Variants in NKD1 observed in about 807,000 individuals in gnomAD.
NKD1 encodes NKD inhibitor of Wnt signaling pathway 1.
A neutral mutation model predicts 56.0 loss-of-function variants in NKD1; 21 were observed. That is an observed-to-expected ratio of 0.38 (90% CI 0.27 to 0.54). The LOEUF (loss-of-function observed/expected upper bound fraction) is 0.54, where lower values mean the gene tolerates loss of function less well. Ranked by LOEUF, NKD1 falls within the 20% of genes least tolerant of loss-of-function variation. NKD1 has a pLI of 0.82. For missense variants in NKD1, 578 were observed against 642.7 expected, an observed-to-expected ratio of 0.90 and a Z score of 1.09; for synonymous variants, 263 against 265.7, an observed-to-expected ratio of 0.99 and a Z score of 0.10.
intron 5 of NKD1, 54 bp from the exon 6 acceptor site, chr16:50,625,431 C>A: frequency 8.0e-7 from 1 of 1,257,528 alleles, no homozygotes; most frequent in Non-Finnish European, 1.2e-6. Flanking sequence ...TTCCACTACC[C>A]AGTCAGTGTT....
Position 50,632,481 on chromosome 16 carries a change from G to C in NKD1, c.823+73G>C. The stretch of plus-strand genomic sequence containing the variant: ...CTGGACGGGCCAGGCGGGCCGTGCG[G>C]GTGGTGTTCACTGCTACCCCAGGCT... On this transcript the variant is annotated intron_variant, in intron 9 of 9. Transcript: ENST00000268459. This position sits in a 1 kb window ranked among gnomAD's most constrained non-coding sequence, Gnocchi z 4.1. 6.5e-7 allele frequency: 1 copy of C among 1,528,364 alleles called. No individual in the cohort carries two copies. The highest frequency in any genetic ancestry group is 9.0e-7 in the Non-Finnish European group (1 of 1,106,892). The allele number at this position is 1,528,364 out of a possible 1,614,324, so 94.7% of individuals were successfully genotyped here.
intron 3 of NKD1, among the ~76,000 whole-genome samples, chr16:50,572,412 G>C (rs1343281336): frequency 6.6e-6 from 1 of 152,212 alleles, no homozygotes; most frequent in Non-Finnish European, 1.5e-5. Flanking sequence ...GTGCTTTGCT[G>C]TGTGCTTTGG....
intron 4 of NKD1, among the ~76,000 whole-genome samples, chr16:50,610,377 A>G (rs773565558): frequency 1.1e-4 from 17 of 152,186 alleles, no homozygotes; most frequent in Non-Finnish European, 2.5e-4. Context: ...CCCAGTGACC[A>G]TCTGTGGTCC....
chr16:50,589,516 C>T (rs1961301652), intron 3 of NKD1, among the ~76,000 whole-genome samples: 1 of 152,210 alleles, frequency 6.6e-6, no homozygotes, highest in East Asian at 1.9e-4. Context: ...TCAGCCTGGT[C>T]GGGGGCACCA....
intron 3 of NKD1, among the ~76,000 whole-genome samples, chr16:50,576,242 G>C (rs1221430817): frequency 6.6e-6 from 1 of 152,188 alleles, no homozygotes; most frequent in Admixed American, 6.5e-5. Flanking sequence ...GCAGATGTGG[G>C]TATTGCCTTC....
At chr16:50,594,360 T>G (rs1961430339) in intron 3 of NKD1, among the ~76,000 whole-genome samples, 1 of 152,228 alleles carries the variant, frequency 6.6e-6, no homozygotes, top group African/African-American at 2.4e-5. Flanking sequence ...GCCTACTCCC[T>G]GTGAATTCAC....
intron 7 of NKD1, 42 bp downstream of exon 7, chr16:50,630,375 A>G: frequency 6.2e-6 from 10 of 1,608,066 alleles, no homozygotes; most frequent in Non-Finnish European, 8.5e-6. Flanking sequence ...ATGTCCTCCC[A>G]TCTCAGGAAG....
chr16:50,577,750 A>G (rs1294101019), intron 3 of NKD1, among the ~76,000 whole-genome samples: 1 of 152,172 alleles, frequency 6.6e-6, no homozygotes, highest in African/African-American at 2.4e-5. Context: ...TATAAATGAG[A>G]TCACGCAGTA....
At chr16:50,591,068 C>G (rs933544438) in intron 3 of NKD1, among the ~76,000 whole-genome samples, 1 of 152,148 alleles carries the variant, frequency 6.6e-6, no homozygotes, top group South Asian at 2.1e-4. Context: ...AGTCATCTGC[C>G]TGCCTCAGCC....
chr16:50,554,759 T>C (rs1960464877), intron 3 of NKD1, among the ~76,000 whole-genome samples: 1 of 152,106 alleles, frequency 6.6e-6, no homozygotes, highest in African/African-American at 2.4e-5. Flanking sequence ...GCTGGGACTA[T>C]AGGTGCACGC....
chr16:50,612,931 G>A (rs1285367061), intron 4 of NKD1, among the ~76,000 whole-genome samples: 1 of 152,106 alleles, frequency 6.6e-6, no homozygotes, highest in Non-Finnish European at 1.5e-5. Context: ...GAGGAAGAGG[G>A]CAATGAAACC....
chr16:50,619,215 C>T (rs1277512271), intron 4 of NKD1, among the ~76,000 whole-genome samples: 2 of 151,770 alleles, frequency 1.3e-5, no homozygotes, highest in African/African-American at 4.8e-5. Flanking sequence ...TTTCCCTCTG[C>T]TTGGGAGGGG....
At chr16:50,630,382 G>C (rs1255443023) in intron 7 of NKD1, 49 bp downstream of exon 7, 1 of 1,603,760 alleles carries the variant, frequency 6.2e-7, no homozygotes, top group Non-Finnish European at 8.5e-7. Context: ...CCCATCTCAG[G>C]AAGGAACAGA....
At chr16:50,579,427 G>A (rs1266863062) in intron 3 of NKD1, among the ~76,000 whole-genome samples, 39 of 141,764 alleles carry the variant, frequency 2.8e-4, no homozygotes, top group Admixed American at 4.2e-4. Context: ...CGGGCTACCC[G>A]CTACACACGC....
In NKD1 at chr16:50,634,121, T is replaced by G; in HGVS notation, c.*340T>G. 1.9e-5 allele frequency: 4 copies of G among 205,396 alleles called. No individual in the cohort carries two copies. Among genetic ancestry groups the G allele is most frequent in the Non-Finnish European group, 1.9e-5 (2 of 103,560 alleles). The allele number at this position is 205,396 out of a possible 1,614,324, so 12.7% of individuals were successfully genotyped here. A position where few individuals can be genotyped will look rare whatever the true frequency, so the allele number is the denominator to read the frequency against. ...GCCAGGGAGCCCTTAGCCTCAACTCTGCCCCACCCCAGCCTCTTCCAGGAG... is the reference window on the plus strand; with the variant it reads ...GCCAGGGAGCCCTTAGCCTCAACTCGGCCCCACCCCAGCCTCTTCCAGGAG... On this transcript the variant is annotated 3_prime_UTR_variant, in exon 10 of 10. Coordinates refer to ENST00000268459, the MANE Select transcript of NKD1 (RefSeq NM_033119.5).
At position 50,645,833 on chromosome 16, in the gene NKD1, A is replaced by G. The variant is rs1962667506; in HGVS notation, c.*12052A>G. ...GAACAAAAAGAAAAGTTGGCAAGAA[A>G]GAAAGGGCAAAGACAGAGAGACTGG... On this transcript the variant is annotated 3_prime_UTR_variant, in exon 10 of 10. Transcript: ENST00000268459. 6.6e-6 allele frequency: 1 copy of G among 152,218 alleles called. No homozygotes were observed. Among genetic ancestry groups the G allele is most frequent in the Non-Finnish European group, 1.5e-5 (1 of 68,036 alleles). 9.4% of individuals were successfully genotyped at this position (152,218 alleles called of 1,614,324 possible). A position where few individuals can be genotyped will look rare whatever the true frequency, so the allele number is the denominator to read the frequency against.
At chr16:50,602,899 A>C (rs11642424) in intron 3 of NKD1, among the ~76,000 whole-genome samples, 1 of 152,148 alleles carries the variant, frequency 6.6e-6, no homozygotes, top group Non-Finnish European at 1.5e-5. Context: ...TCCTGACTGC[A>C]GGTTAACAGG....
At position 50,550,948 on chromosome 16, in the gene NKD1, CCTTTTT is replaced by C. The variant is rs147612670; in HGVS notation, c.192+1405_192+1410del. Among the ~76,000 whole-genome samples the C allele has an allele frequency of 5.6e-3, 856 of 152,216 alleles. 5 individuals are homozygous for C. The highest frequency in any genetic ancestry group is 0.019 in the African/African-American group (806 of 41,496). On this transcript the variant is annotated intron_variant, in intron 3 of 9. Coordinates refer to ENST00000268459, the MANE Select transcript of NKD1 (RefSeq NM_033119.5). Reference sequence around the variant, plus strand: ...AGAATGACATTTATTTGCAGTCCCTCCTTTTTCTTTTTCTTTTCTTTTTTTTCTAAA... The same window carrying C: ...AGAATGACATTTATTTGCAGTCCCTCCTTTTTCTTTTCTTTTTTTTCTAAA...
At chr16:50,606,829 T>G (rs968190589) in intron 3 of NKD1, 6 of 456,556 alleles carry the variant, frequency 1.3e-5, no homozygotes, top group African/African-American at 2.0e-5. Context: ...TACCAGCCTT[T>G]CAGGGGGCGG....
Sources: allele counts gnomAD v4.1 joint callset (sites outside exome capture counted in the v4.1 genomes callset), GRCh38; gene constraint gnomAD v4.1.1; non-coding constraint Gnocchi (gnomAD v3.1); transcripts MANE v1.5; gene names NCBI Gene and HGNC (gene_info 2026-07-23, HGNC 2026-07-21).